RNGTT: variants seen among roughly 807,000 people sequenced by gnomAD.
RNGTT encodes the protein RNA guanylyltransferase and 5'-phosphatase, also known as mRNA-capping enzyme.
RNGTT carries 33 observed loss-of-function variants against 79.3 expected under a neutral mutation model. The observed-to-expected ratio is 0.42, with a 90% confidence interval of 0.32 to 0.56. The LOEUF is 0.56. Ranked by LOEUF, RNGTT falls within the 20% of genes least tolerant of loss-of-function variation. RNGTT has a pLI of 0.17. For synonymous variants in RNGTT, 222 were observed against 235.9 expected, an observed-to-expected ratio of 0.94 and a Z score of 0.54; for missense variants, 497 against 739.1, an observed-to-expected ratio of 0.67 and a Z score of 3.80.
intron 13 of RNGTT, among the ~76,000 whole-genome samples, chr6:88,709,656 A>G (rs1776255843): frequency 2.0e-5 from 3 of 152,248 alleles, no homozygotes; most frequent in African/African-American, 7.2e-5. Flanking sequence ...AATACATATC[A>G]GTTATCAGTG....
At chr6:88,724,145 C>G (rs1395346353) in intron 13 of RNGTT, among the ~76,000 whole-genome samples, 1 of 152,052 alleles carries the variant, frequency 6.6e-6, no homozygotes, top group Admixed American at 6.5e-5. Context: ...TTGAAGAAAA[C>G]TTTTAAATAA....
At chr6:88,632,092 C>A (rs1222435823) in intron 14 of RNGTT, among the ~76,000 whole-genome samples, 1 of 152,124 alleles carries the variant, frequency 6.6e-6, no homozygotes, top group Non-Finnish European at 1.5e-5. Context: ...TTGCTAGCAG[C>A]TGGAACTACA....
chr6:88,617,533 A>G (rs1044487803), intron 14 of RNGTT, among the ~76,000 whole-genome samples: 16 of 152,180 alleles, frequency 1.1e-4, no homozygotes, highest in African/African-American at 3.9e-4. Context: ...ATTCTGCTCC[A>G]TTGATTTGTA....
chr6:88,839,052 T>C (rs1469841548), intron 11 of RNGTT, among the ~76,000 whole-genome samples: 2 of 140,396 alleles, frequency 1.4e-5, no homozygotes, highest in Non-Finnish European at 3.0e-5. Flanking sequence ...TGAATATCTA[T>C]ATGCAAAAAA....
intron 8 of RNGTT, among the ~76,000 whole-genome samples, chr6:88,876,406 C>T (rs1159814102): frequency 2.0e-5 from 3 of 152,112 alleles, no homozygotes; most frequent in Admixed American, 6.5e-5. Flanking sequence ...TGGCGGCACG[C>T]GCCTATAGTC....
At chr6:88,617,534 T>C (rs1205698945) in intron 14 of RNGTT, among the ~76,000 whole-genome samples, 2 of 152,214 alleles carry the variant, frequency 1.3e-5, no homozygotes, top group Admixed American at 6.5e-5. Context: ...TTCTGCTCCA[T>C]TGATTTGTAT....
chr6:88,678,247 T>G (rs1375524133), intron 14 of RNGTT, 106 bp downstream of exon 14: 37 of 1,469,146 alleles, frequency 2.5e-5, no homozygotes, highest in Non-Finnish European at 3.4e-5. Context: ...CCTCCCAAAG[T>G]GCTGGAACAC....
rs746870956 is a variant in RNGTT at position 88,941,136 on chromosome 6, T to C, written c.109A>G (p.Ser37Gly). 1.9e-6 allele frequency: 3 copies of C among 1,613,520 alleles called. No homozygotes were observed. In the South Asian group the frequency reaches 3.3e-5, roughly 18 times the overall value. Residue 37 changes from serine (S) to glycine (G), a missense_variant, in exon 2 of 16, where the codon AGT becomes GGT. By Grantham distance (56) the Ser-to-Gly change is moderately conservative (BLOSUM62 0). This residue lies in a region of RNGTT where 440 missense variants were observed against 671.5 expected (regional missense o/e 0.66). Transcript: ENST00000369485. ...LKTMLGPRYD[S>G]QVAEENRFHP... ...AACCGATTTTCTTCAGCAACTTGAC[T>C]ATCATATCTTGGTCCTAACATTGTC...
intron 7 of RNGTT, 78 bp from the exon 8 acceptor site, chr6:88,890,674 A>C (rs528497449): frequency 1.2e-6 from 1 of 851,022 alleles, no homozygotes; most frequent in Non-Finnish European, 1.9e-6. Context: ...ATCTCAAATG[A>C]ATCACACATT....
intron 13 of RNGTT, among the ~76,000 whole-genome samples, chr6:88,764,737 T>C (rs1002096876): frequency 2.0e-5 from 3 of 152,186 alleles, no homozygotes; most frequent in Admixed American, 2.0e-4. Context: ...ATCTCTCCTT[T>C]CACAAAATTG....
At chr6:88,677,217 T>C (rs779524007) in intron 14 of RNGTT, among the ~76,000 whole-genome samples, 4 of 142,700 alleles carry the variant, frequency 2.8e-5, no homozygotes, top group Non-Finnish European at 6.0e-5. Context: ...TTCACTTATA[T>C]AAAGCTCTAG....
At chr6:88,882,179 G>A (rs539179995) in intron 8 of RNGTT, among the ~76,000 whole-genome samples, 1 of 152,260 alleles carries the variant, frequency 6.6e-6, no homozygotes, top group South Asian at 2.1e-4. Context: ...GAGGAAACAT[G>A]TGCCAGAGGT....
chr6:88,634,673 C>T (rs961376558), intron 14 of RNGTT, among the ~76,000 whole-genome samples: 1 of 151,902 alleles, frequency 6.6e-6, no homozygotes, highest in South Asian at 2.1e-4. Flanking sequence ...AATTCAAATT[C>T]GGAGGTTCTT....
intron 14 of RNGTT, among the ~76,000 whole-genome samples, chr6:88,616,813 C>T (rs1772243106): frequency 6.6e-6 from 1 of 152,146 alleles, no homozygotes; most frequent in South Asian, 2.1e-4. Context: ...GTACAATTTG[C>T]AATTATTTTC....
At chr6:88,833,218 T>C (rs1054870554) in intron 11 of RNGTT, among the ~76,000 whole-genome samples, 8 of 152,164 alleles carry the variant, frequency 5.3e-5, no homozygotes, top group African/African-American at 1.2e-4. Flanking sequence ...ATGTGGCACA[T>C]AGACACCATG....
intron 14 of RNGTT, among the ~76,000 whole-genome samples, chr6:88,643,704 A>G (rs1773415306): frequency 6.6e-6 from 1 of 152,214 alleles, no homozygotes; most frequent in South Asian, 2.1e-4. Context: ...AAACTCACTC[A>G]AAACTGCTCA....
At chr6:88,875,357 G>T (rs1304639927) in intron 8 of RNGTT, among the ~76,000 whole-genome samples, 2 of 151,962 alleles carry the variant, frequency 1.3e-5, no homozygotes, top group Non-Finnish European at 2.9e-5. Flanking sequence ...TTATCCCAAG[G>T]GGTGGGATAA....
chr6:88,729,772 C>T (rs2127819066), intron 13 of RNGTT, among the ~76,000 whole-genome samples: 1 of 152,276 alleles, frequency 6.6e-6, no homozygotes, highest in East Asian at 1.9e-4. Flanking sequence ...AACAACACCG[C>T]CCCTGATGGA....
chr6:88,826,800 ATATATATATATATATATGTGTGTGT>A (rs1780673123), intron 11 of RNGTT, among the ~76,000 whole-genome samples: 3 of 92,052 alleles, frequency 3.3e-5, no homozygotes, highest in Admixed American at 1.1e-4. Context: ...AAAAAAAAAA[ATATATATATATATATATGTGTGTGT>A]ATATATATAT....
Sources: allele counts gnomAD v4.1 joint callset (sites outside exome capture counted in the v4.1 genomes callset), GRCh38; gene constraint gnomAD v4.1.1; regional missense constraint gnomAD v4.1.1; transcripts MANE v1.5; gene names NCBI Gene and HGNC (gene_info 2026-07-23, HGNC 2026-07-21).